Variants in TTC12 observed in about 807,000 individuals in gnomAD.
TTC12 encodes tetratricopeptide repeat protein 12.
A neutral mutation model predicts 90.1 loss-of-function variants in TTC12; 70 were observed. The observed-to-expected ratio is 0.78, with a 90% confidence interval of 0.64 to 0.95. The LOEUF is 0.95. Ranked by LOEUF, TTC12 falls within the 40% of genes least tolerant of loss-of-function variation. The pLI is 0.00. For missense variants in TTC12, 819 were observed against 846.1 expected (o/e 0.97, Z 0.40); for synonymous variants, 296 against 311.5 (o/e 0.95, Z 0.53).
At chr11:113,315,447 A>G (rs1020939809) in intron 1 of TTC12, among the ~76,000 whole-genome samples, 1 of 152,176 alleles carries the variant, frequency 6.6e-6, no homozygotes, top group Admixed American at 6.5e-5. Context: ...TTACACTACT[A>G]TGAAACCTGG....
chr11:113,323,010 G>T (rs1591520015), intron 2 of TTC12, among the ~76,000 whole-genome samples: 1 of 148,522 alleles, frequency 6.7e-6, no homozygotes. Flanking sequence ...AACTCATAAT[G>T]AGCTCTCCAT....
At position 113,352,124 on chromosome 11, in the gene TTC12, A is replaced by G. The variant is rs782497813; in HGVS notation, c.1363A>G (p.Met455Val). The G allele has an allele frequency of 3.7e-6, 6 of 1,614,106 alleles. No homozygotes were observed. The highest frequency in any genetic ancestry group is 5.1e-6 in the Non-Finnish European group (6 of 1,180,046). The change falls in exon 16 of 22, where the codon ATG becomes GTG. Residue 455 changes from methionine (M) to valine (V), a missense_variant. Met to Val is a conservative substitution (Grantham distance 21, BLOSUM62 1). Coordinates refer to ENST00000529221, the MANE Select transcript of TTC12 (RefSeq NM_017868.4). ...SSALCQCIAI[M>V]GNLSAEPTTR... ...GGCTCTGTGCCAGTGCATTGCCATC[A>G]TGGGAAACCTCAGTGCTGAGCCCAC...
At chr11:113,365,315 G>A (rs544467714) in intron 21 of TTC12, among the ~76,000 whole-genome samples, 3 of 152,082 alleles carry the variant, frequency 2.0e-5, no homozygotes, top group South Asian at 2.1e-4. Flanking sequence ...ACTTGCTGCC[G>A]TTGCCTTCTC....
At chr11:113,346,663 G>A (rs534414518) in intron 13 of TTC12, among the ~76,000 whole-genome samples, 40 of 150,832 alleles carry the variant, frequency 2.7e-4, no homozygotes, top group African/African-American at 9.5e-4. Flanking sequence ...AAAAAAAATG[G>A]TCCCAACTTC....
At chr11:113,324,229 A>C in intron 4 of TTC12, 1 of 556,076 alleles carries the variant, frequency 1.8e-6, no homozygotes, top group Non-Finnish European at 3.1e-6. Flanking sequence ...TTGTAAACTC[A>C]ATTCAGTTAT....
In TTC12 at chr11:113,351,187, G is replaced by A. The variant is rs1382655761; in HGVS notation, c.1248-52G>A. ...TAACTATCTGAGACACTGTATTTATGTTATAGTTTATGCAATGTAAAAATA... is the reference window on the plus strand; with the variant it reads ...TAACTATCTGAGACACTGTATTTATATTATAGTTTATGCAATGTAAAAATA... On this transcript the variant is annotated intron_variant, in intron 14 of 21. Coordinates refer to ENST00000529221, the MANE Select transcript of TTC12 (RefSeq NM_017868.4). 2.0e-6 allele frequency: 3 copies of A among 1,524,172 alleles called. No homozygotes were observed. In the East Asian group the frequency reaches 6.8e-5, roughly 34 times the overall value. The allele number at this position is 1,524,172 out of a possible 1,614,324, so 94.4% of individuals were successfully genotyped here. A position where few individuals can be genotyped will look rare whatever the true frequency, so the allele number is the denominator to read the frequency against.
At chr11:113,324,212 C>T (rs1290929269) in intron 4 of TTC12, 197 bp downstream of exon 4, 1 of 559,366 alleles carries the variant, frequency 1.8e-6, no homozygotes, top group Non-Finnish European at 3.1e-6. Flanking sequence ...TTCTCTTGGT[C>T]AACCTTTTGT....
In TTC12 at chr11:113,341,945, G is replaced by A. The variant is rs369001254; in HGVS notation, c.985+20G>A. On this transcript the variant is annotated intron_variant, in intron 12 of 21. Coordinates refer to ENST00000529221, the MANE Select transcript of TTC12 (RefSeq NM_017868.4). ...GGAACGGTAAGCCTGGGTAATCACC[G>A]TTGATCACCATTAATGCGCTGCGTG... 365 of 1,600,770 alleles carry A rather than the reference G, an allele frequency of 2.3e-4. 2 individuals are homozygous for A. Among genetic ancestry groups the A allele is most frequent in the Admixed American group, 5.5e-4 (33 of 60,012 alleles).
At chr11:113,350,297 G>A (rs1478184688) in intron 14 of TTC12, 132 bp downstream of exon 14, 7 of 686,488 alleles carry the variant, frequency 1.0e-5, no homozygotes, top group Non-Finnish European at 1.7e-5. Context: ...TCACTGAGTA[G>A]GAGGGCTGAT....
Position 113,350,122 on chromosome 11 carries a change from A to C in TTC12, c.1204A>C (p.Asn402His). The change falls in exon 14 of 22, where the codon AAC becomes CAC. Residue 402 changes from asparagine to histidine, a missense_variant. Transcript: ENST00000529221. ...TCTTGATTTCTCGGATAAGGAGGCCAACACTGCTATGGGACTGTTCACAGA... is the reference window on the plus strand; with the variant it reads ...TCTTGATTTCTCGGATAAGGAGGCCCACACTGCTATGGGACTGTTCACAGA... Reference protein sequence around the residue: ...SFLDFSDKEANTAMGLFTDLA... With the variant: ...SFLDFSDKEAHTAMGLFTDLA... 1 of 1,614,074 alleles carries C rather than the reference A, an allele frequency of 6.2e-7. No individual in the cohort carries two copies. Among genetic ancestry groups the C allele is most frequent in the Non-Finnish European group, 8.5e-7 (1 of 1,179,908 alleles).
At chr11:113,315,936 T>G (rs1946909205) in intron 1 of TTC12, 1 of 219,194 alleles carries the variant, frequency 4.6e-6, no homozygotes, top group Admixed American at 5.8e-5. Flanking sequence ...TGCTCTCTTC[T>G]CATCTCCATG....
chr11:113,324,340 C>CA, intron 4 of TTC12: 1 of 540,282 alleles, frequency 1.9e-6, no homozygotes, highest in Non-Finnish European at 3.2e-6. Flanking sequence ...AATCTCTCTT[C>CA]AAAGAAAAAC....
At position 113,366,298 on chromosome 11, in the gene TTC12, TGA is replaced by T. The variant is rs746100306; in HGVS notation, c.*5_*6del. ...TACGATGAAATACATCAGTGATTCT[TGA>T]GAGAGACAGGGTTTGTGTGCATTTG... ...NSTMKYISDS* is the reference protein window; with the variant it reads ...NSTMKYISDSX On this transcript the variant is annotated frameshift_variant and stop_lost, in exon 22 of 22. Transcript: ENST00000529221. LOFTEE classifies it high-confidence loss of function. 9.3e-6 allele frequency: 15 copies of T among 1,613,422 alleles called. No individual in the cohort carries two copies. In the African/African-American group the frequency reaches 1.5e-4, roughly 16 times the overall value.
At chr11:113,315,639 T>G (rs1219508186) in intron 1 of TTC12, among the ~76,000 whole-genome samples, 1 of 152,208 alleles carries the variant, frequency 6.6e-6, no homozygotes, top group East Asian at 1.9e-4. Flanking sequence ...CCACGGGGCC[T>G]TCTCGCACAA....
chr11:113,342,024 G>C (rs1565600312), intron 12 of TTC12, 99 bp downstream of exon 12: 4 of 1,047,384 alleles, frequency 3.8e-6, no homozygotes, highest in Non-Finnish European at 6.0e-6. Flanking sequence ...GCCCTGGAAA[G>C]CTGATGTCTA....
At chr11:113,366,391 C>A, downstream of TTC12, 2 of 1,580,632 alleles carry the variant, frequency 1.3e-6, no homozygotes, top group East Asian at 2.2e-5. Context: ...GTATCCACTT[C>A]AGAATCAAGT....
intron 13 of TTC12, among the ~76,000 whole-genome samples, chr11:113,348,510 C>T (rs1185091381): frequency 6.6e-6 from 1 of 152,186 alleles, no homozygotes; most frequent in East Asian, 1.9e-4. Context: ...ACAGTTCTCC[C>T]CTGGTTGAAT....
Position 113,324,627 on chromosome 11 carries a change from G to T in TTC12, c.267G>T (p.Glu89Asp), listed in dbSNP as rs1555140246. 2 of 1,613,870 alleles carry T rather than the reference G, an allele frequency of 1.2e-6. No individual in the cohort carries two copies. The highest frequency in any genetic ancestry group is 1.7e-5 in the Admixed American group (1 of 59,996). ...CAGAGGCCTTCTTGGCATCTGTGGA[G>T]AAGGATGCAAAGGAACGAGCCAAGA... ...INSEAFLASVEKDAKERAKRR... is the reference protein window; with the variant it reads ...INSEAFLASVDKDAKERAKRR... Residue 89 changes from glutamate to aspartate, a missense_variant, in exon 5 of 22, where the codon GAG (glutamate) becomes GAT (aspartate). Glu to Asp is a conservative substitution (Grantham distance 45). Coordinates refer to ENST00000529221, the MANE Select transcript of TTC12 (RefSeq NM_017868.4).
chr11:113,338,928 A>T, intron 9 of TTC12, 94 bp downstream of exon 9: 3 of 1,129,306 alleles, frequency 2.7e-6, no homozygotes, highest in Non-Finnish European at 4.0e-6. Context: ...GCCCTTGGCC[A>T]CTAGGCAGCG....
Sources: allele counts gnomAD v4.1 joint callset (sites outside exome capture counted in the v4.1 genomes callset), GRCh38; gene constraint gnomAD v4.1.1; transcripts MANE v1.5; gene names NCBI Gene and HGNC (gene_info 2026-07-23, HGNC 2026-07-21).